AUTS2: variants seen among roughly 807,000 people sequenced by gnomAD.
AUTS2 encodes activator of transcription and developmental regulator AUTS2.
AUTS2 carries 17 observed loss-of-function variants against 112.4 expected under a neutral mutation model. The ratio of observed to expected loss-of-function variants is 0.15; its 90% confidence interval spans 0.10 to 0.23. AUTS2 has a LOEUF of 0.23. AUTS2 is among the 10% of genes least tolerant of loss of function. The pLI, the probability that AUTS2 is intolerant of heterozygous loss-of-function variation, is 1.00. For synonymous variants in AUTS2, 751 were observed against 702.7 expected, an observed-to-expected ratio of 1.07 and a Z score of -1.09; for missense variants, 1,510 against 1,701.6, an observed-to-expected ratio of 0.89 and a Z score of 1.98.
At chr7:69,889,054 C>T (rs571562356) in intron 1 of AUTS2, among the ~76,000 whole-genome samples, 2 of 152,178 alleles carry the variant, frequency 1.3e-5, no homozygotes, top group African/African-American at 4.8e-5. Flanking sequence ...CCTAATTTCA[C>T]AAGTTCATTC....
intron 4 of AUTS2, among the ~76,000 whole-genome samples, chr7:70,209,495 A>G (rs945017933): frequency 3.3e-5 from 5 of 152,184 alleles, no homozygotes; most frequent in Admixed American, 2.0e-4. Flanking sequence ...ATTGAAAGCT[A>G]TGGGGCTGTT....
intron 5 of AUTS2, among the ~76,000 whole-genome samples, chr7:70,649,171 G>GCTTTAGCTCAGAAGTTTGAGAC (rs1265145552): frequency 6.7e-6 from 1 of 148,990 alleles, no homozygotes; most frequent in South Asian, 2.1e-4. Context: ...CAGGTGGATT[G>GCTTTAGCTCAGAAGTTTGAGAC]CTTTAGCTCA....
At chr7:70,102,131 T>A (rs947551146) in intron 2 of AUTS2, among the ~76,000 whole-genome samples, 2 of 149,458 alleles carry the variant, frequency 1.3e-5, no homozygotes, top group African/African-American at 4.9e-5. Context: ...TTTTTTTTTT[T>A]TTTTTGAGAC....
rs1037592778 is a variant in AUTS2, at chr7:70,517,137, G to A, written c.690+81356G>A. 2.6e-4 allele frequency among the ~76,000 whole-genome samples: 40 copies of A among 152,164 alleles called. 1 individual carries two copies. The highest frequency in any genetic ancestry group is 2.3e-3 in the Admixed American group (35 of 15,268). On this transcript the variant is annotated intron_variant, in intron 5 of 18. Coordinates refer to ENST00000342771, the MANE Select transcript of AUTS2 (RefSeq NM_015570.4). ...CACAGCCTTCCTGAATAAGGGATTT[G>A]TTTTCTTATAACAAGTATATAACCG...
At chr7:70,027,701 C>G (rs952543385) in intron 2 of AUTS2, among the ~76,000 whole-genome samples, 3 of 152,140 alleles carry the variant, frequency 2.0e-5, no homozygotes, top group Non-Finnish European at 4.4e-5. Context: ...AGAGAGTGAA[C>G]TATCATATAA....
At chr7:70,519,151 T>G (rs764847628) in intron 5 of AUTS2, among the ~76,000 whole-genome samples, 1 of 152,196 alleles carries the variant, frequency 6.6e-6, no homozygotes, top group Non-Finnish European at 1.5e-5. Flanking sequence ...TAAGAATAGT[T>G]GGGAACCTCC....
At chr7:70,108,575 A>G (rs1386863777) in intron 2 of AUTS2, among the ~76,000 whole-genome samples, 1 of 152,002 alleles carries the variant, frequency 6.6e-6, no homozygotes, top group Non-Finnish European at 1.5e-5. Context: ...ATTTTATAAA[A>G]TAAAACTCAG....
chr7:69,747,744 G>A (rs940116230), intron 1 of AUTS2, among the ~76,000 whole-genome samples: 7 of 123,766 alleles, frequency 5.7e-5, no homozygotes, highest in African/African-American at 2.2e-4. Flanking sequence ...ATGTGTGTGT[G>A]TGTATATGTA....
At chr7:70,049,292 T>A (rs1305828568) in intron 2 of AUTS2, among the ~76,000 whole-genome samples, 2 of 152,172 alleles carry the variant, frequency 1.3e-5, no homozygotes, top group Admixed American at 1.3e-4. Flanking sequence ...AAAGGAAGTA[T>A]ATATCTTACT....
intron 1 of AUTS2, among the ~76,000 whole-genome samples, chr7:69,879,752 C>T (rs1277025530): frequency 2.0e-5 from 3 of 152,140 alleles, no homozygotes; most frequent in Non-Finnish European, 2.9e-5. Context: ...ATTCAAACAC[C>T]TGCCTTGCCA....
intron 4 of AUTS2, chr7:70,293,609 A>G (rs1788804204): frequency 6.6e-6 from 1 of 152,090 alleles, no homozygotes; most frequent in East Asian, 1.9e-4. Flanking sequence ...GGATGTTAGA[A>G]CCACACCTTT....
At chr7:69,888,905 G>A (rs1257177675) in intron 1 of AUTS2, among the ~76,000 whole-genome samples, 2 of 151,948 alleles carry the variant, frequency 1.3e-5, no homozygotes, top group African/African-American at 4.8e-5. Context: ...GTTTTGGAGG[G>A]GACAAATAAA....
intron 2 of AUTS2, among the ~76,000 whole-genome samples, chr7:69,944,489 G>C (rs1414829632): frequency 1.3e-5 from 2 of 152,060 alleles, no homozygotes. Flanking sequence ...ATATATTTAG[G>C]GTATTGCATT....
chr7:70,232,747 C>G (rs1812124098), intron 4 of AUTS2, among the ~76,000 whole-genome samples: 2 of 152,138 alleles, frequency 1.3e-5, no homozygotes, highest in South Asian at 4.1e-4. Context: ...ATTGTCATGA[C>G]AAGAGTCATT....
chr7:69,792,018 C>G (rs539902589), intron 1 of AUTS2, among the ~76,000 whole-genome samples: 2 of 152,018 alleles, frequency 1.3e-5, no homozygotes, highest in South Asian at 4.2e-4. Context: ...GGCATTCCTG[C>G]AGGATGGTGG....
chr7:69,642,609 T>C (rs546638518), intron 1 of AUTS2, among the ~76,000 whole-genome samples: 1 of 152,338 alleles, frequency 6.6e-6, no homozygotes, highest in Admixed American at 6.5e-5. Flanking sequence ...TGAACCTTTC[T>C]AGATGTCAGT....
At chr7:70,718,309 T>C (rs1009347876) in intron 6 of AUTS2, among the ~76,000 whole-genome samples, 1 of 152,172 alleles carries the variant, frequency 6.6e-6, no homozygotes, top group Non-Finnish European at 1.5e-5. Context: ...AGTCAACTCT[T>C]CCCTTTTCTC....
At position 70,171,908 on chromosome 7, in the gene AUTS2, G is replaced by A. The variant is rs540587699; in HGVS notation, c.660+37337G>A. Among the ~76,000 whole-genome samples the A allele has an allele frequency of 3.0e-4, 45 of 151,388 alleles. No individual in the cohort carries two copies. In the South Asian group the frequency reaches 7.9e-3, roughly 27 times the overall value. Reference sequence around the variant, plus strand: ...ATTATAAACAAGTTTTTTTTTTTGGGGGGGGGTAGTTTTTCCCTCCTTCTT... The same window carrying A: ...ATTATAAACAAGTTTTTTTTTTTGGAGGGGGGTAGTTTTTCCCTCCTTCTT... On this transcript the variant is annotated intron_variant, in intron 4 of 18. Coordinates refer to ENST00000342771, the MANE Select transcript of AUTS2 (RefSeq NM_015570.4).
intron 1 of AUTS2, among the ~76,000 whole-genome samples, chr7:69,874,128 C>T (rs1315209650): frequency 1.3e-5 from 2 of 152,056 alleles, no homozygotes; most frequent in African/African-American, 4.8e-5. Context: ...ACAGTGGGCT[C>T]ATGCCTGTAA....
Sources: allele counts gnomAD v4.1 joint callset (sites outside exome capture counted in the v4.1 genomes callset), GRCh38; gene constraint gnomAD v4.1.1; transcripts MANE v1.5; gene names NCBI Gene and HGNC (gene_info 2026-07-23, HGNC 2026-07-21).